The following CCDC171 variants were observed in gnomAD, a reference collection of about 807,000 sequenced individuals.
CCDC171 encodes the protein coiled-coil domain-containing protein 171.
Under a neutral mutation model 168.2 loss-of-function variants are expected in CCDC171, and 177 were observed. That is an observed-to-expected ratio of 1.05 (90% CI 0.93 to 1.19). The LOEUF is 1.19. Ranked by LOEUF, CCDC171 falls within the 50% of genes most tolerant of loss-of-function variation. The probability of loss-of-function intolerance (pLI) is 0.00; values close to 1 mark genes in which losing one functional copy is unlikely to be tolerated. For missense variants in CCDC171, 1,991 were observed against 1,539.0 expected (o/e 1.29, Z -4.91); for synonymous variants, 687 against 540.8 (o/e 1.27, Z -3.75).
chr9:15,825,556 C>G (rs1347404608), intron 21 of CCDC171, among the ~76,000 whole-genome samples: 1 of 152,142 alleles, frequency 6.6e-6, no homozygotes, highest in Non-Finnish European at 1.5e-5. Flanking sequence ...GGAGTCAGAA[C>G]TTGAAGTCAG....
At chr9:15,667,043 C>G (rs1374549598) in intron 9 of CCDC171, among the ~76,000 whole-genome samples, 1 of 152,088 alleles carries the variant, frequency 6.6e-6, no homozygotes, top group Non-Finnish European at 1.5e-5. Context: ...ACATACAGCT[C>G]CTAAGTGGCA....
rs567866932 is a variant in CCDC171, at chr9:15,680,919, G to T, written c.1215+2023G>T. 3.3e-5 allele frequency among the ~76,000 whole-genome samples: 5 copies of T among 152,202 alleles called. No individual in the cohort carries two copies. The South Asian group carries it at 8.3e-4, about 25-fold the overall frequency. On this transcript the variant is annotated intron_variant, in intron 10 of 25. Transcript: ENST00000380701. ...AGTTAAGACATAATCACCAATATAG[G>T]TTGCATGAATTTTCCTAATTCTGGT...
At chr9:16,042,630 T>G (rs981457333), upstream of CCDC171, among the ~76,000 whole-genome samples, 1 of 152,176 alleles carries the variant, frequency 6.6e-6, no homozygotes, top group Admixed American at 6.5e-5. Flanking sequence ...TCAATACAGA[T>G]TTTTTGAATG....
chr9:15,819,821 A>T lies in CCDC171; in HGVS notation c.3268-26881A>T, dbSNP rs1290358317. Among the ~76,000 whole-genome samples, 11 of 117,358 alleles carry T rather than the reference A, an allele frequency of 9.4e-5. 5 individuals are homozygous for T. Among genetic ancestry groups the T allele is most frequent in the African/African-American group, 3.5e-4 (11 of 31,130 alleles). The allele number at this position is 117,358 out of a possible 152,430, so 77.0% of individuals were successfully genotyped here. On this transcript the variant is annotated intron_variant, in intron 21 of 25. Transcript: ENST00000380701. Reference sequence around the variant, plus strand: ...ACAAGGATATCCAGGAATTGAACTCAGCTCTGCACGAAGAGGACCTAATAG... The same window carrying T: ...ACAAGGATATCCAGGAATTGAACTCTGCTCTGCACGAAGAGGACCTAATAG...
intron 3 of CCDC171, among the ~76,000 whole-genome samples, chr9:15,996,020 G>A (rs553035347): frequency 6.6e-6 from 1 of 152,318 alleles, no homozygotes; most frequent in African/African-American, 2.4e-5. Flanking sequence ...GTCCTATACA[G>A]TGGTCATTCC....
At chr9:15,623,925 CTT>C (rs1302368716) in intron 7 of CCDC171, among the ~76,000 whole-genome samples, 1 of 152,126 alleles carries the variant, frequency 6.6e-6, no homozygotes, top group Non-Finnish European at 1.5e-5. Flanking sequence ...CTGAAAATAA[CTT>C]TTAATCTTAA....
chr9:15,892,537 G>A (rs1820358289), intron 24 of CCDC171, among the ~76,000 whole-genome samples: 1 of 152,086 alleles, frequency 6.6e-6, no homozygotes, highest in African/African-American at 2.4e-5. Flanking sequence ...AAGCAACCTG[G>A]CATCCTGGGG....
At chr9:15,991,372 T>C (rs1832192771) in intron 3 of CCDC171, among the ~76,000 whole-genome samples, 1 of 150,754 alleles carries the variant, frequency 6.6e-6, no homozygotes. Flanking sequence ...AGATGTTCTT[T>C]GAAACCGATG....
chr9:15,628,092 G>A (rs182865057), intron 7 of CCDC171, among the ~76,000 whole-genome samples: 117 of 152,292 alleles, frequency 7.7e-4, no homozygotes, highest in Non-Finnish European at 1.5e-3. Flanking sequence ...AGCTCCCAGC[G>A]TGAGCGACGC....
chr9:15,966,867 G>C (rs1232548031), intron 25 of CCDC171, among the ~76,000 whole-genome samples: 3 of 150,168 alleles, frequency 2.0e-5, no homozygotes, highest in Non-Finnish European at 4.4e-5. Flanking sequence ...ATAAATATTG[G>C]ATGGCATGAT....
At chr9:15,798,288 T>C (rs1335670136) in intron 21 of CCDC171, among the ~76,000 whole-genome samples, 1 of 152,144 alleles carries the variant, frequency 6.6e-6, no homozygotes, top group Non-Finnish European at 1.5e-5. Flanking sequence ...GTCCTCATAC[T>C]GGTAATTCAT....
chr9:15,870,792 C>G (rs1588937338), intron 23 of CCDC171, among the ~76,000 whole-genome samples: 1 of 147,542 alleles, frequency 6.8e-6, no homozygotes, highest in African/African-American at 2.5e-5. Flanking sequence ...GCAGAAATAG[C>G]TTTTTTTTTT....
intron 25 of CCDC171, among the ~76,000 whole-genome samples, chr9:15,967,974 TG>T (rs1398657038): frequency 1.3e-5 from 2 of 152,238 alleles, no homozygotes; most frequent in Non-Finnish European, 2.9e-5. Context: ...TATTTATTTT[TG>T]TTTGAAAAAC....
At chr9:16,016,173 T>C (rs535234039) in intron 3 of CCDC171, among the ~76,000 whole-genome samples, 2 of 152,278 alleles carry the variant, frequency 1.3e-5, no homozygotes, top group Admixed American at 6.5e-5. Context: ...TTTAGCTTTT[T>C]GAGGAACTGC....
chr9:15,803,141 T>C (rs910368981), intron 21 of CCDC171, among the ~76,000 whole-genome samples: 3 of 152,150 alleles, frequency 2.0e-5, no homozygotes, highest in African/African-American at 7.2e-5. Context: ...TTAAGTTCCT[T>C]ATAAATGCTG....
the CCDC171 span, among the ~76,000 whole-genome samples, chr9:16,081,275 C>T: frequency 6.6e-6 from 1 of 152,170 alleles, no homozygotes; most frequent in Non-Finnish European, 1.5e-5. Flanking sequence ...AGCCCAATAA[C>T]TCAAGAAAGG....
chr9:15,905,083 A>G (rs1822337266), intron 24 of CCDC171, among the ~76,000 whole-genome samples: 1 of 152,224 alleles, frequency 6.6e-6, no homozygotes, highest in Non-Finnish European at 1.5e-5. Context: ...GGAGACTTTA[A>G]CACCCCACTG....
At chr9:15,968,356 A>G (rs1212103635) in intron 25 of CCDC171, among the ~76,000 whole-genome samples, 2 of 152,146 alleles carry the variant, frequency 1.3e-5, no homozygotes, top group African/African-American at 4.8e-5. Flanking sequence ...CTAACTTTTA[A>G]TGTTCTCTGA....
intron 1 of CCDC171, among the ~76,000 whole-genome samples, chr9:16,060,349 G>A (rs17711267): frequency 0.097 from 14,779 of 152,194 alleles, 903 homozygotes; most frequent in Middle Eastern, 0.14. Context: ...GTGGCGCCTC[G>A]AGACCACACC....
Sources: allele counts gnomAD v4.1 joint callset (sites outside exome capture counted in the v4.1 genomes callset), GRCh38; gene constraint gnomAD v4.1.1; transcripts MANE v1.5; gene names NCBI Gene and HGNC (gene_info 2026-07-23, HGNC 2026-07-21).